The following UNC45A variants were observed in gnomAD, a reference collection of about 807,000 sequenced individuals.
UNC45A encodes the protein unc-45 myosin chaperone A.
A neutral mutation model predicts 103.2 loss-of-function variants in UNC45A; 78 were observed. The ratio of observed to expected loss-of-function variants is 0.76; its 90% CI spans 0.63 to 0.91. UNC45A has a LOEUF of 0.91. Ranked by LOEUF, UNC45A falls within the 40% of genes least tolerant of loss-of-function variation. The probability of loss-of-function intolerance (pLI) is 0.00; values close to 1 mark genes in which losing one functional copy is unlikely to be tolerated. For synonymous variants in UNC45A, 495 were observed against 504.6 expected (o/e 0.98, Z 0.25); for missense variants, 1,193 against 1,224.8 (o/e 0.97, Z 0.39).
rs577403259 is a variant in UNC45A, at chr15:90,950,184, G to T, written c.2104G>T (p.Asp702Tyr). ...GATCCCGCTGGCCCTGGAAGGCACG[G>T]ACGTGGGGCAGACAAAGGCAGCCCA... ...ALIPLALEGT[D>Y]VGQTKAAQAL... The change falls in exon 16 of 20, where the codon GAC becomes TAC. Residue 702 changes from aspartate to tyrosine, a missense_variant. Coordinates refer to ENST00000418476, the MANE Select transcript of UNC45A (RefSeq NM_018671.5). The T allele has an allele frequency of 7.8e-5, 121 of 1,551,674 alleles. 1 individual carries two copies. In the South Asian group the frequency reaches 1.4e-3, roughly 18 times the overall value.
intron 15 of UNC45A, 122 bp from the exon 16 acceptor site, chr15:90,950,032 A>C (rs2036806449): frequency 2.2e-6 from 2 of 906,562 alleles, no homozygotes; most frequent in Admixed American, 4.4e-5. Context: ...GAGGGTCTGC[A>C]CAGGGAGTCA....
upstream of UNC45A, chr15:90,931,705 C>T: frequency 6.2e-7 from 1 of 1,614,104 alleles, no homozygotes. Context: ...AAAGCGTACC[C>T]TCTGGGGTGC....
In UNC45A at chr15:90,947,217, G is replaced by C. The variant is rs146225336; in HGVS notation, c.1500+303G>C. On this transcript the variant is annotated intron_variant, in intron 10 of 19. Transcript: ENST00000418476. ...AATGGATGAATGAACGAGATTCTGG[G>C]CTTTCTTGTGGTGAGAGACATCGGC... 48 of 371,536 alleles carry C rather than the reference G, an allele frequency of 1.3e-4. 1 individual carries two copies. Among genetic ancestry groups the C allele is most frequent in the African/African-American group, 9.5e-4 (47 of 49,398 alleles). The allele number at this position is 371,536 out of a possible 1,614,324, so 23.0% of individuals were successfully genotyped here.
chr15:90,946,789 G>T lies in UNC45A; in HGVS notation c.1375G>T (p.Glu459Ter). 1 of 1,614,256 alleles carries T rather than the reference G, an allele frequency of 6.2e-7. No individual in the cohort carries two copies. The highest frequency in any genetic ancestry group is 1.1e-5 in the South Asian group (1 of 91,090). Reference sequence around the variant, plus strand: ...GGAGGAGGAGCAGCTGGTGGCCGTGGAGGCTCTGATCCATGCAGCCGGCAA... The same window carrying T: ...GGAGGAGGAGCAGCTGGTGGCCGTGTAGGCTCTGATCCATGCAGCCGGCAA... Reference protein sequence around the residue: ...EQEEEQLVAVEALIHAAGKAK... With the variant: ...EQEEEQLVAV Residue 459 changes from glutamate (E) to a stop codon, truncating the protein, a stop_gained, in exon 10 of 20, where the codon GAG (glutamate) becomes TAG (stop). Coordinates refer to ENST00000418476, the MANE Select transcript of UNC45A (RefSeq NM_018671.5). LOFTEE classifies it high-confidence loss of function.
intron 15 of UNC45A, 109 bp from the exon 16 acceptor site, chr15:90,950,045 C>T (rs2036807739): frequency 4.8e-6 from 5 of 1,042,716 alleles, no homozygotes; most frequent in Non-Finnish European, 7.1e-6. Context: ...GGGAGTCAAG[C>T]CTGGGGAGAG....
upstream of UNC45A, chr15:90,933,316 CATG>C (rs1204929871): frequency 2.6e-5 from 4 of 152,356 alleles, no homozygotes; most frequent in Non-Finnish European, 2.9e-5. Context: ...GTCCTGGGAG[CATG>C]ATGTTGTCAG....
In UNC45A at chr15:90,953,547, T is replaced by C; in HGVS notation, c.2666T>C (p.Met889Thr). 1 of 1,614,106 alleles carries C rather than the reference T, an allele frequency of 6.2e-7. No homozygotes were observed. Among genetic ancestry groups the C allele is most frequent in the Non-Finnish European group, 8.5e-7 (1 of 1,180,016 alleles). Residue 889 changes from methionine to threonine, a missense_variant, in exon 20 of 20, where the codon ATG (methionine) becomes ACG (threonine). Physicochemically the swap from Met to Thr is moderately conservative, Grantham distance 81. Transcript: ENST00000418476. ...QHRGAVVVLN[M>T]VEASREIAST... is the part of the protein sequence containing the mutation. Reference sequence around the variant, plus strand: ...CGGGGTGCTGTGGTGGTGCTGAACATGGTGGAGGCCTCGAGGGAGATTGCC... The same window carrying C: ...CGGGGTGCTGTGGTGGTGCTGAACACGGTGGAGGCCTCGAGGGAGATTGCC...
intron 4 of UNC45A, 46 bp downstream of exon 4, chr15:90,936,506 G>A (rs1423821224): frequency 6.2e-7 from 1 of 1,602,158 alleles, no homozygotes; most frequent in Non-Finnish European, 8.5e-7. Flanking sequence ...TGGTGGTGAA[G>A]GGGTCTGGGC....
chr15:90,948,309 C>T (rs1440865444), intron 12 of UNC45A, 26 bp downstream of exon 12: 12 of 1,611,366 alleles, frequency 7.4e-6, no homozygotes, highest in Non-Finnish European at 1.0e-5. Flanking sequence ...CTGCCGTCAG[C>T]CTGGGGACAC....
upstream of UNC45A, chr15:90,932,193 G>A (rs1278393273): frequency 3.9e-5 from 55 of 1,413,180 alleles, no homozygotes; most frequent in Non-Finnish European, 5.2e-5. Flanking sequence ...GCCAGATGTG[G>A]CCCCTTGTGG....
chr15:90,931,333 T>A, upstream of UNC45A: 1 of 1,551,880 alleles, frequency 6.4e-7, no homozygotes, highest in Non-Finnish European at 8.7e-7. Flanking sequence ...CAGTTGCCGG[T>A]TTGTTCCCTG....
At chr15:90,946,999 C>T in intron 10 of UNC45A, 85 bp downstream of exon 10, 1 of 1,478,196 alleles carries the variant, frequency 6.8e-7, no homozygotes, top group Non-Finnish European at 9.2e-7. Flanking sequence ...GGCCCCAGCA[C>T]ACTCCAGATG....
upstream of UNC45A, chr15:90,932,628 TG>T: frequency 1.2e-6 from 1 of 812,174 alleles, no homozygotes; most frequent in East Asian, 3.4e-5. Context: ...CCGGGGATCG[TG>T]GAGGCTAATT....
At chr15:90,949,819 C>G (rs1270960042) in intron 15 of UNC45A, 99 bp downstream of exon 15, 1 of 1,285,252 alleles carries the variant, frequency 7.8e-7, no homozygotes, top group African/African-American at 1.5e-5. Flanking sequence ...AGATATGGAA[C>G]AGAAAAACAT....
In UNC45A at chr15:90,945,056, T is replaced by G. The variant is rs372907396; in HGVS notation, c.1192T>G (p.Tyr398Asp). Reference protein sequence around the residue: ...RENFHRLCENYIKSWFEGQGL... With the variant: ...RENFHRLCENDIKSWFEGQGL... The stretch of plus-strand genomic sequence containing the variant: ...GAATTTCCACAGACTTTGTGAAAAC[T>G]ACATCAAGTAAGGAAGTCTGTTTCA... Residue 398 changes from tyrosine to aspartate, a missense_variant, in exon 9 of 20, where the codon TAC becomes GAC. Coordinates refer to ENST00000418476, the MANE Select transcript of UNC45A (RefSeq NM_018671.5). 1 of 1,612,600 alleles carries G rather than the reference T, an allele frequency of 6.2e-7. No homozygotes were observed. Among genetic ancestry groups the G allele is most frequent in the Non-Finnish European group, 8.5e-7 (1 of 1,179,918 alleles).
At chr15:90,931,570 G>T (rs765959972), upstream of UNC45A, 1 of 1,614,160 alleles carries the variant, frequency 6.2e-7, no homozygotes, top group Admixed American at 1.7e-5. Context: ...TATGAAAGAA[G>T]ATCAAAGAGT....
intron 2 of UNC45A, 88 bp from the exon 3 acceptor site, chr15:90,935,858 C>T: frequency 6.3e-7 from 1 of 1,598,454 alleles, no homozygotes; most frequent in East Asian, 2.2e-5. Context: ...GATCGGGTGA[C>T]CTTGGAGAGC....
intron 8 of UNC45A, 68 bp from the exon 9 acceptor site, chr15:90,944,824 A>G: frequency 6.5e-7 from 1 of 1,539,790 alleles, no homozygotes; most frequent in Non-Finnish European, 8.8e-7. Flanking sequence ...ATCTCCTAGG[A>G]AGCCTGTTTC....
At position 90,953,927 on chromosome 15, in the gene UNC45A, G is replaced by C. The variant is rs1241624722; in HGVS notation, c.*211G>C. 4.5e-6 allele frequency: 3 copies of C among 665,346 alleles called. No individual in the cohort carries two copies. Among genetic ancestry groups the C allele is most frequent in the Non-Finnish European group, 7.5e-6 (3 of 398,900 alleles). The allele number at this position is 665,346 out of a possible 1,614,324, so 41.2% of individuals were successfully genotyped here. On this transcript the variant is annotated 3_prime_UTR_variant, in exon 20 of 20. Coordinates refer to ENST00000418476, the MANE Select transcript of UNC45A (RefSeq NM_018671.5). ...CCAGCACTGCCTGCAGCCTCACTCA[G>C]AGGGGCCCTTTTTCTGTACTACTGT... is the stretch of plus-strand genomic sequence containing the variant.
Sources: gnomAD v4.1 joint callset for allele counts on GRCh38, gnomAD v4.1.1 for gene constraint, MANE v1.5 for transcripts, NCBI Gene and HGNC (gene_info 2026-07-23, HGNC 2026-07-21) for gene names.